Variants in NME7 observed in about 807,000 individuals in gnomAD.
NME7 encodes NME/NM23 family member 7.
A neutral mutation model predicts 49.1 loss-of-function variants in NME7; 41 were observed. The ratio of observed to expected loss-of-function variants is 0.83; its 90% CI spans 0.65 to 1.08. The LOEUF (loss-of-function observed/expected upper bound fraction) is 1.08, where lower values mean the gene tolerates loss of function less well. Among genes scored for constraint, NME7 ranks in the 50% least tolerant of loss-of-function variants. NME7 has a pLI of 0.00. For missense variants in NME7, 423 were observed against 463.4 expected, an observed-to-expected ratio of 0.91 and a Z score of 0.80; for synonymous variants, 139 against 150.6, an observed-to-expected ratio of 0.92 and a Z score of 0.56.
chr1:169,213,665 A>C (rs1463302976), intron 10 of NME7, among the ~76,000 whole-genome samples: 5 of 152,190 alleles, frequency 3.3e-5, no homozygotes, highest in African/African-American at 7.2e-5. Flanking sequence ...GGAAGAGAAC[A>C]AGAACTGAAA....
At chr1:169,257,567 A>G (rs1468861584) in intron 7 of NME7, among the ~76,000 whole-genome samples, 1 of 133,772 alleles carries the variant, frequency 7.5e-6, no homozygotes, top group African/African-American at 2.5e-5. Context: ...AGCTGTTCCT[A>G]TTCGGCCATC....
chr1:169,251,319 G>A (rs1033405142), intron 7 of NME7, among the ~76,000 whole-genome samples: 2 of 151,802 alleles, frequency 1.3e-5, no homozygotes, highest in Non-Finnish European at 1.5e-5. Flanking sequence ...GTTTCCATTT[G>A]GAGTGGAATA....
intron 11 of NME7, among the ~76,000 whole-genome samples, chr1:169,163,723 T>A (rs1659314548): frequency 6.6e-6 from 1 of 152,182 alleles, no homozygotes; most frequent in Non-Finnish European, 1.5e-5. Context: ...TTCAGAAGTA[T>A]GCACATAATG....
At chr1:169,318,724 A>C (rs573352433) in intron 3 of NME7, among the ~76,000 whole-genome samples, 1 of 152,124 alleles carries the variant, frequency 6.6e-6, no homozygotes, top group Non-Finnish European at 1.5e-5. Context: ...AAAGCAACAC[A>C]TTGTTGAAGT....
intron 1 of NME7, among the ~76,000 whole-genome samples, chr1:169,360,715 A>T (rs1296460785): frequency 6.6e-6 from 1 of 152,112 alleles, no homozygotes; most frequent in Admixed American, 6.5e-5. Context: ...TAAAAGTCAC[A>T]TCCTCATGAG....
chr1:169,258,405 T>TATACAC lies in NME7; in HGVS notation c.755-20719_755-20718insGTGTAT, dbSNP rs1422519342. ...ATATATATATATATATATATATATA[T>TATACAC]ACACACACACACACACACATACACA... On this transcript the variant is annotated intron_variant, in intron 7 of 11. Transcript: ENST00000367811. Among the ~76,000 whole-genome samples, 37 of 68,780 alleles carry TATACAC rather than the reference T, an allele frequency of 5.4e-4. 1 individual carries two copies. The highest frequency in any genetic ancestry group is 1.7e-3 in the African/African-American group (32 of 19,038). 45.1% of individuals were successfully genotyped at this position (68,780 alleles called of 152,430 possible). A position where few individuals can be genotyped will look rare whatever the true frequency, so the allele number is the denominator to read the frequency against.
intron 10 of NME7, among the ~76,000 whole-genome samples, chr1:169,196,204 T>C (rs1660376157): frequency 6.6e-6 from 1 of 152,236 alleles, no homozygotes; most frequent in Non-Finnish European, 1.5e-5. Context: ...TTCTTACAAC[T>C]ATATTCTATT....
chr1:169,329,626 G>T (rs1397307303), intron 1 of NME7, among the ~76,000 whole-genome samples: 1 of 151,836 alleles, frequency 6.6e-6, no homozygotes, highest in Non-Finnish European at 1.5e-5. Flanking sequence ...TTGAAGACAG[G>T]TTATTTGAAA....
intron 7 of NME7, among the ~76,000 whole-genome samples, chr1:169,238,574 T>C (rs1030561632): frequency 1.3e-5 from 2 of 151,786 alleles, no homozygotes; most frequent in African/African-American, 4.8e-5. Context: ...GTACTATTAG[T>C]GTCTGAATGT....
At chr1:169,180,165 G>A (rs1440873260) in intron 10 of NME7, among the ~76,000 whole-genome samples, 5 of 152,090 alleles carry the variant, frequency 3.3e-5, no homozygotes, top group East Asian at 1.9e-4. Context: ...TAGCTTCAGC[G>A]TTATCTGGCT....
intron 3 of NME7, among the ~76,000 whole-genome samples, chr1:169,312,128 C>T (rs1353237500): frequency 6.6e-6 from 1 of 152,212 alleles, no homozygotes; most frequent in East Asian, 1.9e-4. Context: ...TGTAGGTAGG[C>T]TGTGCAATGG....
At chr1:169,333,235 T>C (rs191732555) in intron 1 of NME7, among the ~76,000 whole-genome samples, 2 of 152,206 alleles carry the variant, frequency 1.3e-5, no homozygotes, top group African/African-American at 4.8e-5. Context: ...TTCTCACTTA[T>C]CTGTGGGTTC....
chr1:169,342,327 G>C (rs1263009795), intron 1 of NME7, among the ~76,000 whole-genome samples: 1 of 151,752 alleles, frequency 6.6e-6, no homozygotes, highest in African/African-American at 2.4e-5. Flanking sequence ...CTTCCCCTTT[G>C]CCTTCTGGCA....
chr1:169,166,207 A>G (rs2101839697), intron 11 of NME7, among the ~76,000 whole-genome samples: 1 of 152,298 alleles, frequency 6.6e-6, no homozygotes. Context: ...GTCTCTATTC[A>G]AACCTAGTTG....
chr1:169,263,882 T>C (rs1039078487), intron 7 of NME7, among the ~76,000 whole-genome samples: 1 of 132,084 alleles, frequency 7.6e-6, no homozygotes, highest in African/African-American at 2.6e-5. Context: ...GAGAAGCCCA[T>C]CAGAATAATA....
At chr1:169,216,063 A>G (rs1660964086) in intron 10 of NME7, among the ~76,000 whole-genome samples, 1 of 152,228 alleles carries the variant, frequency 6.6e-6, no homozygotes, top group African/African-American at 2.4e-5. Context: ...AAATTTGCTA[A>G]AAGAGTTGTG....
intron 10 of NME7, among the ~76,000 whole-genome samples, chr1:169,225,308 C>T (rs1249600288): frequency 6.6e-6 from 1 of 152,110 alleles, no homozygotes; most frequent in Non-Finnish European, 1.5e-5. Flanking sequence ...GGGGTTTCGC[C>T]ATGTTGGCCA....
At chr1:169,188,617 A>G (rs535260991) in intron 10 of NME7, among the ~76,000 whole-genome samples, 2 of 152,306 alleles carry the variant, frequency 1.3e-5, no homozygotes, top group South Asian at 4.1e-4. Flanking sequence ...TTTTTCAGAA[A>G]GTTTAACTCT....
intron 6 of NME7, among the ~76,000 whole-genome samples, chr1:169,296,214 A>T (rs1650700329): frequency 6.6e-6 from 1 of 152,178 alleles, no homozygotes; most frequent in Admixed American, 6.5e-5. Flanking sequence ...TTTTCTTTTA[A>T]GTCTACTCCA....
Sources: gnomAD v4.1 joint callset for allele counts (sites outside exome capture counted in the v4.1 genomes callset) on GRCh38, gnomAD v4.1.1 for gene constraint, MANE v1.5 for transcripts, NCBI Gene and HGNC (gene_info 2026-07-23, HGNC 2026-07-21) for gene names.